Variants in YEATS4 observed in about 807,000 individuals in gnomAD.
The protein encoded by YEATS4 is YEATS domain containing 4.
In YEATS4, 17 loss-of-function variants were observed where a neutral mutation model predicts 30.1. The ratio of observed to expected loss-of-function variants is 0.56; its 90% CI spans 0.39 to 0.85. YEATS4 has a LOEUF of 0.85. YEATS4 is among the 40% of genes least tolerant of loss of function. The pLI is 0.00. For synonymous variants in YEATS4, 85 were observed against 87.5 expected, an observed-to-expected ratio of 0.97 and a Z score of 0.16; for missense variants, 142 against 268.3, an observed-to-expected ratio of 0.53 and a Z score of 3.29.
chr12:69,425,505 C>T, the YEATS4 span, among the ~76,000 whole-genome samples: 3 of 152,190 alleles, frequency 2.0e-5, no homozygotes, highest in African/African-American at 2.4e-5. Flanking sequence ...CTACCTCAGG[C>T]ATGGCCTCCA....
chr12:69,426,291 C>T, the YEATS4 span, among the ~76,000 whole-genome samples: 1 of 152,164 alleles, frequency 6.6e-6, no homozygotes, highest in African/African-American at 2.4e-5. Flanking sequence ...TCCATCTTTG[C>T]TTTCTAGGCT....
At chr12:69,412,799 G>A in the YEATS4 span, among the ~76,000 whole-genome samples, 1 of 152,300 alleles carries the variant, frequency 6.6e-6, no homozygotes, top group South Asian at 2.1e-4. Flanking sequence ...CCTGAAGATG[G>A]CTGTGTGATG....
chr12:69,383,123 G>A (rs1453443550), intron 6 of YEATS4, among the ~76,000 whole-genome samples: 1 of 152,120 alleles, frequency 6.6e-6, no homozygotes, highest in Non-Finnish European at 1.5e-5. Context: ...AATTTTCTGG[G>A]TGTGGTGGCA....
chr12:69,401,278 G>A, the YEATS4 span: 1 of 152,108 alleles, frequency 6.6e-6, no homozygotes, highest in Admixed American at 6.5e-5. Flanking sequence ...GTGTAAGGAT[G>A]TTCATTGCTT....
At chr12:69,412,580 G>A in the YEATS4 span, among the ~76,000 whole-genome samples, 23 of 152,280 alleles carry the variant, frequency 1.5e-4, no homozygotes, top group African/African-American at 5.5e-4. Context: ...TTGAACCCGG[G>A]AGGTGGAGGT....
Position 69,390,301 on chromosome 12 carries a change from A to C in YEATS4, c.669A>C (p.Gln223His), listed in dbSNP as rs1276819762. The change falls in exon 7 of 7, where the codon CAA becomes CAC. Residue 223 changes from glutamine to histidine, a missense_variant. Physicochemically the swap from Gln to His is conservative, Grantham distance 24 (BLOSUM62 0). Coordinates refer to ENST00000247843, the MANE Select transcript of YEATS4 (RefSeq NM_006530.4). ...NEIRKLEEDD[Q>H]AKDI ...TCAGAAAACTTGAAGAAGATGACCA[A>C]GCAAAAGACATATAAACAGTTCTCA... is the stretch of plus-strand genomic sequence containing the variant. 7 of 1,586,082 alleles carry C rather than the reference A, an allele frequency of 4.4e-6. No individual in the cohort carries two copies. The highest frequency in any genetic ancestry group is 6.0e-6 in the Non-Finnish European group (7 of 1,172,878).
the YEATS4 span, among the ~76,000 whole-genome samples, chr12:69,413,588 A>G: frequency 1.4e-5 from 2 of 142,886 alleles, no homozygotes; most frequent in African/African-American, 2.6e-5. Context: ...ACAGTGACTC[A>G]CACCTGTAAT....
In YEATS4 at chr12:69,370,788, A is replaced by T. The variant is rs763910557; in HGVS notation, c.416A>T (p.Tyr139Phe). ...AAAAAGACAGTGGTTTCAGAGTTCT[A>T]TGATGAAATGGTAAGAAGATTTTAT... ...LGKKTVVSEF[Y>F]DEMIFQDPTA... The change falls in exon 5 of 7, where the codon TAT becomes TTT. Residue 139 changes from tyrosine (Y) to phenylalanine (F), a missense_variant. This residue lies in a region of YEATS4 where 64 missense variants were observed against 164.0 expected (regional missense o/e 0.39). Coordinates refer to ENST00000247843, the MANE Select transcript of YEATS4 (RefSeq NM_006530.4). 10 of 1,597,438 alleles carry T rather than the reference A, an allele frequency of 6.3e-6. No individual in the cohort carries two copies. The South Asian group carries it at 1.1e-4, about 18-fold the overall frequency.
intron 6 of YEATS4, among the ~76,000 whole-genome samples, chr12:69,373,693 T>C (rs766067552): frequency 8.5e-5 from 13 of 152,212 alleles, no homozygotes; most frequent in Non-Finnish European, 1.6e-4. Context: ...ACAAGAAATC[T>C]TTGTCCAGTC....
At chr12:69,398,444 A>AAT in the YEATS4 span, among the ~76,000 whole-genome samples, 165 of 152,298 alleles carry the variant, frequency 1.1e-3, 2 homozygotes, top group Non-Finnish European at 8.8e-4. Flanking sequence ...TTTTAAAAAA[A>AAT]TTTCATTTAT....
At chr12:69,378,180 A>G (rs1336832471) in intron 6 of YEATS4, among the ~76,000 whole-genome samples, 1 of 151,656 alleles carries the variant, frequency 6.6e-6, no homozygotes, top group Non-Finnish European at 1.5e-5. Context: ...TTGATTTTGC[A>G]TGCAATATCT....
At chr12:69,417,165 T>C in the YEATS4 span, among the ~76,000 whole-genome samples, 1 of 146,644 alleles carries the variant, frequency 6.8e-6, no homozygotes, top group Non-Finnish European at 1.5e-5. Context: ...TTTTTTTTTT[T>C]TTTTTTTTTT....
rs1875687298 is a variant in YEATS4, at chr12:69,372,551, T to TTTTTTTTTTTTG, written c.514+1577_514+1578insTTTTTTTTTTGT. On this transcript the variant is annotated intron_variant, in intron 6 of 6. Coordinates refer to ENST00000247843, the MANE Select transcript of YEATS4 (RefSeq NM_006530.4). ...GTATCTCATGAGTTTTTTTTTTTTT[T>TTTTTTTTTTTTG]TGAGACAGAGCCTTGCTCTGTTGGC... Among the ~76,000 whole-genome samples, 15 of 151,024 alleles carry TTTTTTTTTTTTG rather than the reference T, an allele frequency of 9.9e-5. No homozygotes were observed. In the South Asian group the frequency reaches 1.1e-3, roughly 11 times the overall value.
At chr12:69,394,992 CAA>C (rs576629448), downstream of YEATS4, among the ~76,000 whole-genome samples, 1 of 151,712 alleles carries the variant, frequency 6.6e-6, no homozygotes, top group Non-Finnish European at 1.5e-5. Context: ...CAAAGCAAAA[CAA>C]AAAAAGACAG....
At chr12:69,375,234 C>T (rs181482391) in intron 6 of YEATS4, among the ~76,000 whole-genome samples, 1,674 of 151,340 alleles carry the variant, frequency 0.011, 27 homozygotes, top group African/African-American at 0.037. Context: ...GGGGTGGCGG[C>T]GGGGCAGAGA....
At chr12:69,422,048 T>C in the YEATS4 span, among the ~76,000 whole-genome samples, 1 of 151,954 alleles carries the variant, frequency 6.6e-6, no homozygotes, top group Non-Finnish European at 1.5e-5. Context: ...CTGATGGGTG[T>C]GTTATGGTTG....
chr12:69,397,931 A>C, the YEATS4 span, among the ~76,000 whole-genome samples: 2 of 152,226 alleles, frequency 1.3e-5, no homozygotes, highest in Admixed American at 1.3e-4. Flanking sequence ...AGCCTTAATA[A>C]CTAACATATA....
rs1875604827 is a variant in YEATS4, at chr12:69,370,710, C to A, written c.338C>A (p.Thr113Asn). The A allele has an allele frequency of 6.4e-7, 1 of 1,563,696 alleles. No homozygotes were observed. The highest frequency in any genetic ancestry group is 8.6e-7 in the Non-Finnish European group (1 of 1,161,558). The part of the protein sequence containing the change: ...FFIDPNERPV[T>N]LYHLLKLFQS... Reference sequence around the variant, plus strand: ...ACATCTGTTTCTATTTCACAGGTAACCCTGTATCATTTGCTAAAGCTGTTT... The same window carrying A: ...ACATCTGTTTCTATTTCACAGGTAAACCTGTATCATTTGCTAAAGCTGTTT... The change falls in exon 5 of 7, where the codon ACC (threonine) becomes AAC (asparagine). Residue 113 changes from threonine (T) to asparagine (N), a missense_variant. Around this residue, in one of 3 missense-constraint regions of YEATS4, gnomAD observed 64 missense variants for 164.0 expected, o/e 0.39. Coordinates refer to ENST00000247843, the MANE Select transcript of YEATS4 (RefSeq NM_006530.4).
chr12:69,362,340 A>G (rs981425630), intron 1 of YEATS4, among the ~76,000 whole-genome samples: 12 of 125,158 alleles, frequency 9.6e-5, no homozygotes, highest in Admixed American at 8.2e-4. Flanking sequence ...ACACGTAAGT[A>G]AAAAAGTGAA....
Sources: allele counts gnomAD v4.1 joint callset (sites outside exome capture counted in the v4.1 genomes callset), GRCh38; gene constraint gnomAD v4.1.1; regional missense constraint gnomAD v4.1.1; transcripts MANE v1.5; gene names NCBI Gene and HGNC (gene_info 2026-07-23, HGNC 2026-07-21).